Variants in ALDH1A1 observed in about 807,000 individuals in gnomAD.
ALDH1A1 encodes the protein aldehyde dehydrogenase 1A1.
In ALDH1A1, 19 loss-of-function variants were observed where a neutral mutation model predicts 62.1. The observed-to-expected ratio is 0.31, with a 90% CI of 0.21 to 0.45. ALDH1A1 has a LOEUF of 0.45. Ranked by LOEUF, ALDH1A1 falls within the 20% of genes least tolerant of loss-of-function variation. The probability of loss-of-function intolerance (pLI) is 1.00; values close to 1 mark genes in which losing one functional copy is unlikely to be tolerated. For missense variants in ALDH1A1, 521 were observed against 607.1 expected (o/e 0.86, Z 1.49); for synonymous variants, 231 against 215.9 (o/e 1.07, Z -0.61).
intron 3 of ALDH1A1, among the ~76,000 whole-genome samples, chr9:72,930,101 A>G (rs1830261910): frequency 6.6e-6 from 1 of 152,178 alleles, no homozygotes; most frequent in African/African-American, 2.4e-5. Context: ...TGCCACTTTC[A>G]GATTCTAAAG....
At chr9:72,939,817 T>G (rs1830394346) in intron 2 of ALDH1A1, among the ~76,000 whole-genome samples, 1 of 152,076 alleles carries the variant, frequency 6.6e-6, no homozygotes, top group Non-Finnish European at 1.5e-5. Context: ...AGCGCCCAGC[T>G]GAAGATTTCT....
chr9:72,911,608 G>A (rs1475985514), intron 10 of ALDH1A1, among the ~76,000 whole-genome samples: 1 of 152,062 alleles, frequency 6.6e-6, no homozygotes, highest in Non-Finnish European at 1.5e-5. Flanking sequence ...AGACCCTGCG[G>A]TATTTGTCTT....
At chr9:72,910,328 C>T (rs1055434024) in intron 10 of ALDH1A1, among the ~76,000 whole-genome samples, 1 of 152,080 alleles carries the variant, frequency 6.6e-6, no homozygotes, top group Non-Finnish European at 1.5e-5. Flanking sequence ...GTTAGGTAAA[C>T]ATCACGAACT....
At chr9:72,947,292 T>C (rs1830487786) in intron 1 of ALDH1A1, among the ~76,000 whole-genome samples, 1 of 152,026 alleles carries the variant, frequency 6.6e-6, no homozygotes, top group Non-Finnish European at 1.5e-5. Flanking sequence ...CTGATGTGGC[T>C]GAGTGCTAGT....
At chr9:72,924,731 C>T (rs1006539938) in intron 6 of ALDH1A1, among the ~76,000 whole-genome samples, 7 of 152,078 alleles carry the variant, frequency 4.6e-5, no homozygotes, top group Admixed American at 3.3e-4. Context: ...TTATTTGCAT[C>T]GAAATGTTTC....
chr9:72,941,780 CCA>C (rs1830418129), intron 1 of ALDH1A1, among the ~76,000 whole-genome samples: 1 of 152,100 alleles, frequency 6.6e-6, no homozygotes, highest in African/African-American at 2.4e-5. Context: ...CCCATTCATG[CCA>C]ATATAATTTT....
intron 1 of ALDH1A1, among the ~76,000 whole-genome samples, chr9:72,952,112 T>C (rs1830549841): frequency 6.6e-6 from 1 of 152,000 alleles, no homozygotes; most frequent in African/African-American, 2.4e-5. Flanking sequence ...TACCATACTT[T>C]CTGCATCACA....
intron 6 of ALDH1A1, among the ~76,000 whole-genome samples, chr9:72,924,963 T>C (rs1257624199): frequency 6.6e-6 from 1 of 152,212 alleles, no homozygotes; most frequent in African/African-American, 2.4e-5. Flanking sequence ...AACAGGAAGA[T>C]AAATGCAGAG....
Position 72,930,867 on chromosome 9 carries a change from G to GATAATACTC in ALDH1A1, c.312+3_312+11dup, listed in dbSNP as rs775019977. 1.9e-6 allele frequency: 3 copies of GATAATACTC among 1,613,852 alleles called. No individual in the cohort carries two copies. Among genetic ancestry groups the GATAATACTC allele is most frequent in the Non-Finnish European group, 2.5e-6 (3 of 1,179,894 alleles). ...GAGCTCTAGCTACCCATCCAGCTTG[G>GATAATACTC]ATAATACTCACCGCCAGCAGCAGAC... On this transcript the variant is annotated intron_variant, in intron 3 of 12. Transcript: ENST00000297785.
chr9:72,951,842 A>C (rs1252780702), intron 1 of ALDH1A1, among the ~76,000 whole-genome samples: 3 of 151,972 alleles, frequency 2.0e-5, no homozygotes, highest in African/African-American at 4.8e-5. Flanking sequence ...ACCATGTTAA[A>C]GGCACAATCT....
intron 12 of ALDH1A1, among the ~76,000 whole-genome samples, chr9:72,904,897 C>T (rs919814138): frequency 2.0e-5 from 3 of 152,148 alleles, no homozygotes; most frequent in African/African-American, 7.2e-5. Context: ...GAGCATGGAA[C>T]ATGGTGTCAT....
intron 2 of ALDH1A1, among the ~76,000 whole-genome samples, chr9:72,932,145 C>G (rs181092396): frequency 6.6e-4 from 101 of 152,320 alleles, no homozygotes; most frequent in Admixed American, 1.9e-3. Context: ...GTACATAGAA[C>G]TGGCCACTAC....
chr9:72,926,735 C>A (rs1227211996), intron 5 of ALDH1A1, among the ~76,000 whole-genome samples: 2 of 152,192 alleles, frequency 1.3e-5, no homozygotes, highest in African/African-American at 4.8e-5. Context: ...GAATAGTAGG[C>A]CCCACTACAT....
At chr9:72,942,284 C>G in intron 1 of ALDH1A1, 1 of 985,250 alleles carries the variant, frequency 1.0e-6, no homozygotes, top group African/African-American at 1.7e-5. Context: ...TGGGAAAGAA[C>G]TTAATCAACT....
chr9:72,909,337 A>G (rs553025770), intron 11 of ALDH1A1, among the ~76,000 whole-genome samples: 72 of 151,848 alleles, frequency 4.7e-4, no homozygotes, highest in African/African-American at 1.6e-3. Context: ...TATTTTTAGT[A>G]GACATGGCGT....
chr9:72,905,298 T>C (rs1458323936), intron 12 of ALDH1A1, among the ~76,000 whole-genome samples: 2 of 152,134 alleles, frequency 1.3e-5, no homozygotes, highest in Non-Finnish European at 2.9e-5. Flanking sequence ...TATATGTGCA[T>C]ACTTAAAAAG....
chr9:72,950,336 C>T (rs1190949176), intron 1 of ALDH1A1, among the ~76,000 whole-genome samples: 2 of 151,744 alleles, frequency 1.3e-5, no homozygotes, highest in Non-Finnish European at 2.9e-5. Flanking sequence ...CATTTAAAGG[C>T]TCAATAAAAT....
intron 1 of ALDH1A1, among the ~76,000 whole-genome samples, chr9:72,948,761 T>C (rs933657371): frequency 1.3e-5 from 2 of 151,730 alleles, no homozygotes; most frequent in African/African-American, 4.8e-5. Flanking sequence ...GCATGAGACG[T>C]GAATCATATT....
At position 72,925,562 on chromosome 9, in the gene ALDH1A1, G is replaced by T. The variant is rs1471138975; in HGVS notation, c.555C>A (p.Ser185Arg). 2 of 1,613,870 alleles carry T rather than the reference G, an allele frequency of 1.2e-6. No individual in the cohort carries two copies. Among genetic ancestry groups the T allele is most frequent in the African/African-American group, 2.7e-5 (2 of 74,914 alleles). ...MLIWKIGPAL[S>R]CGNTVVVKPA... is the part of the protein sequence containing the mutation. ...GTTTGACAACCACTGTGTTTCCACA[G>T]CTCAGTGCAGGCCCTATCTTCCAAA... The change falls in exon 6 of 13, where the codon AGC (serine) becomes AGA (arginine). Residue 185 changes from serine to arginine, a missense_variant. Transcript: ENST00000297785.
Sources: gnomAD v4.1 joint callset for allele counts (sites outside exome capture counted in the v4.1 genomes callset) on GRCh38, gnomAD v4.1.1 for gene constraint, MANE v1.5 for transcripts, NCBI Gene and HGNC (gene_info 2026-07-23, HGNC 2026-07-21) for gene names.